PLA2R1: variants seen among roughly 807,000 people sequenced by gnomAD.
The protein encoded by PLA2R1 is secretory phospholipase A2 receptor.
A neutral mutation model predicts 195.9 loss-of-function variants in PLA2R1; 158 were observed. The observed-to-expected ratio is 0.81, with a 90% CI of 0.71 to 0.92. PLA2R1 has a LOEUF of 0.92. Among genes scored for constraint, PLA2R1 ranks in the 40% least tolerant of loss-of-function variants. PLA2R1 has a pLI of 0.00. For synonymous variants in PLA2R1, 586 were observed against 598.2 expected, an observed-to-expected ratio of 0.98 and a Z score of 0.30; for missense variants, 1,626 against 1,764.6, an observed-to-expected ratio of 0.92 and a Z score of 1.41.
intron 14 of PLA2R1, among the ~76,000 whole-genome samples, chr2:159,978,701 C>T (rs572990610): frequency 1.3e-5 from 2 of 152,116 alleles, no homozygotes; most frequent in African/African-American, 4.8e-5. Flanking sequence ...CCCTGCTATG[C>T]CTTTTCTGTT....
At chr2:160,023,179 G>A (rs897551901) in intron 6 of PLA2R1, among the ~76,000 whole-genome samples, 1 of 152,156 alleles carries the variant, frequency 6.6e-6, no homozygotes, top group Non-Finnish European at 1.5e-5. Context: ...TTGAACAACA[G>A]CAACTCCATC....
rs1686635391 is a variant in PLA2R1 at position 159,932,650 on chromosome 2, A to G, written c.*9128T>C. On this transcript the variant is annotated 3_prime_UTR_variant, in exon 30 of 30. Transcript: ENST00000283243. ...GTTTCCAGCTCCTACCAAGCTCTGTATACTAAGAAGGTAAAAAGTAAAGTT... is the reference window on the plus strand; with the variant it reads ...GTTTCCAGCTCCTACCAAGCTCTGTGTACTAAGAAGGTAAAAAGTAAAGTT... 1 of 152,206 alleles carries G rather than the reference A, an allele frequency of 6.6e-6. No homozygotes were observed. 9.4% of individuals were successfully genotyped at this position (152,206 alleles called of 1,614,324 possible).
At chr2:159,999,239 A>G (rs937783302) in intron 11 of PLA2R1, among the ~76,000 whole-genome samples, 2 of 151,702 alleles carry the variant, frequency 1.3e-5, no homozygotes, top group Admixed American at 6.6e-5. Context: ...AATATGTGAT[A>G]TTTTGTTATA....
At chr2:160,046,306 G>C (rs545769544) in intron 1 of PLA2R1, among the ~76,000 whole-genome samples, 2 of 152,180 alleles carry the variant, frequency 1.3e-5, no homozygotes, top group Non-Finnish European at 2.9e-5. Flanking sequence ...CCAGTAGCTA[G>C]GTTCCCCTCT....
At chr2:159,952,359 A>G (rs1687793863) in intron 23 of PLA2R1, among the ~76,000 whole-genome samples, 1 of 152,182 alleles carries the variant, frequency 6.6e-6, no homozygotes, top group African/African-American at 2.4e-5. Context: ...CATATGTTCT[A>G]TATGTACTAG....
chr2:160,006,487 A>G (rs1691995105), intron 10 of PLA2R1, among the ~76,000 whole-genome samples: 1 of 152,242 alleles, frequency 6.6e-6, no homozygotes, highest in Non-Finnish European at 1.5e-5. Flanking sequence ...AAACAGCTGA[A>G]TGAATTACTG....
chr2:160,013,703 GTCTCTCTCTCTCTCTCTC>G (rs879130648), intron 9 of PLA2R1, among the ~76,000 whole-genome samples: 5,628 of 96,382 alleles, frequency 0.058, 150 homozygotes, highest in Non-Finnish European at 0.066. Flanking sequence ...CTCTCTCTCT[GTCTCTCTCTCTCTCTCTC>G]TGTGTGTGTG....
chr2:160,007,499 G>C (rs973071891), intron 10 of PLA2R1, among the ~76,000 whole-genome samples: 5 of 152,370 alleles, frequency 3.3e-5, no homozygotes, highest in African/African-American at 1.2e-4. Context: ...TGGACATCCA[G>C]AGGAACACAC....
At chr2:160,001,740 T>C (rs1170509165) in intron 11 of PLA2R1, among the ~76,000 whole-genome samples, 4 of 151,872 alleles carry the variant, frequency 2.6e-5, no homozygotes, top group African/African-American at 9.7e-5. Flanking sequence ...ACTATACCGA[T>C]TTTGACACCA....
chr2:159,986,831 C>T (rs1310051575), intron 12 of PLA2R1, among the ~76,000 whole-genome samples: 1 of 152,136 alleles, frequency 6.6e-6, no homozygotes, highest in Non-Finnish European at 1.5e-5. Context: ...AAGTGAGCCG[C>T]CTGCCTCGGC....
chr2:159,967,741 T>G, intron 19 of PLA2R1, 63 bp from the exon 20 acceptor site: 5 of 1,357,732 alleles, frequency 3.7e-6, no homozygotes, highest in Non-Finnish European at 5.1e-6. Context: ...AGGCATTCTC[T>G]ATTGATCACT....
Position 160,028,106 on chromosome 2 carries a change from T to C in PLA2R1, c.1099+112A>G, listed in dbSNP as rs889630924. ...CACATCTTTTCATATAAATATAAAC[T>C]AGATTTAGCTAAGTTTACATTATGA... On this transcript the variant is annotated intron_variant, in intron 6 of 29. Transcript: ENST00000283243. 3.3e-5 allele frequency: 22 copies of C among 663,334 alleles called. No homozygotes were observed. The South Asian group carries it at 3.5e-4, about 11-fold the overall frequency. 41.1% of individuals were successfully genotyped at this position (663,334 alleles called of 1,614,324 possible).
rs537935532 is a variant in PLA2R1, at chr2:159,934,708, G to C, written c.*7070C>G. The C allele has an allele frequency of 7.9e-5, 12 of 152,194 alleles. No homozygotes were observed. The South Asian group carries it at 1.7e-3, about 21-fold the overall frequency. 9.4% of individuals were successfully genotyped at this position (152,194 alleles called of 1,614,324 possible). A position where few individuals can be genotyped will look rare whatever the true frequency, so the allele number is the denominator to read the frequency against. ...AACTTTTTATATTGAAATGATTTTA[G>C]GTTTACAGAAAAATTGCCAACTTAG... On this transcript the variant is annotated 3_prime_UTR_variant, in exon 30 of 30. Coordinates refer to ENST00000283243, the MANE Select transcript of PLA2R1 (RefSeq NM_007366.5).
At chr2:159,988,348 G>A (rs531758224) in intron 11 of PLA2R1, among the ~76,000 whole-genome samples, 24 of 151,360 alleles carry the variant, frequency 1.6e-4, no homozygotes, top group African/African-American at 4.1e-4. Context: ...CAGCTAGGCT[G>A]TATATTAACT....
intron 13 of PLA2R1, among the ~76,000 whole-genome samples, chr2:159,981,215 ACGTG>A (rs899170603): frequency 1.9e-5 from 2 of 107,374 alleles, no homozygotes; most frequent in African/African-American, 4.3e-5. Flanking sequence ...GTATGTGCAT[ACGTG>A]TGTGTGTGTG....
chr2:159,951,556 A>G lies in PLA2R1; in HGVS notation c.3324T>C (p.Asn1108=). 1.3e-6 allele frequency: 2 copies of G among 1,572,582 alleles called. No homozygotes were observed. The highest frequency in any genetic ancestry group is 1.8e-6 in the Non-Finnish European group (2 of 1,141,126). Residue 1108 remains asparagine, a synonymous_variant, in exon 24 of 30, where the codon AAT becomes AAC. Coordinates refer to ENST00000283243, the MANE Select transcript of PLA2R1 (RefSeq NM_007366.5). ...TGGGCATTGGATACATATCAGATGT[A>G]TTTACACCGTGTCCAGAAGTATCTA... The part of the protein sequence containing the change: ...KMQDTSGHGV[N]TSDMYPMPNT...
At position 160,013,286 on chromosome 2, in the gene PLA2R1, A is replaced by G; in HGVS notation, c.1641T>C (p.Pro547=). The G allele has an allele frequency of 1.2e-6, 2 of 1,601,220 alleles. No individual in the cohort carries two copies. Among genetic ancestry groups the G allele is most frequent in the Non-Finnish European group, 1.7e-6 (2 of 1,168,550 alleles). ...DQASSGYYCP[P]ALVTITNRFE... is the part of the protein sequence containing the mutation. The stretch of plus-strand genomic sequence containing the variant: ...ACCTGTTTGTAATGGTTACAAGTGC[A>G]GGAGGACAGTAATAACCGCTGGAAG... The change falls in exon 10 of 30, where the codon CCT becomes CCC. Residue 547 remains proline (P), a synonymous_variant. Transcript: ENST00000283243.
At chr2:160,003,530 GAACA>G (rs1286813485) in intron 11 of PLA2R1, among the ~76,000 whole-genome samples, 2 of 151,912 alleles carry the variant, frequency 1.3e-5, no homozygotes, top group African/African-American at 2.4e-5. Flanking sequence ...AAAATGTATA[GAACA>G]AATATGAAAA....
At chr2:159,956,474 G>T in intron 21 of PLA2R1, 36 bp downstream of exon 21, 1 of 1,023,276 alleles carries the variant, frequency 9.8e-7, no homozygotes, top group Admixed American at 1.7e-5. Context: ...GAATAAAAAT[G>T]GTTATCTTGG....
Sources: gnomAD v4.1 joint callset for allele counts (sites outside exome capture counted in the v4.1 genomes callset) on GRCh38, gnomAD v4.1.1 for gene constraint, MANE v1.5 for transcripts, NCBI Gene and HGNC (gene_info 2026-07-23, HGNC 2026-07-21) for gene names.